DIPK2B: variants seen among roughly 807,000 people sequenced by gnomAD.
DIPK2B encodes divergent protein kinase domain 2B.
Under a neutral mutation model 22.2 loss-of-function variants are expected in DIPK2B, and 15 were observed. The ratio of observed to expected loss-of-function variants is 0.68; its 90% confidence interval spans 0.45 to 1.04. The LOEUF is 1.04. Ranked by LOEUF, DIPK2B falls within the 50% of genes least tolerant of loss-of-function variation. DIPK2B has a pLI of 0.00. For missense variants in DIPK2B, 345 were observed against 348.3 expected, an observed-to-expected ratio of 0.99 and a Z score of 0.08; for synonymous variants, 163 against 153.2, an observed-to-expected ratio of 1.06 and a Z score of -0.47.
At chrX:45,153,474 TTGTGTGTGTGTGTGTGTGTG>T (rs34281975) in intron 4 of DIPK2B, among the ~76,000 whole-genome samples, 2 of 73,862 alleles carry the variant, frequency 2.7e-5, no homozygotes, top group African/African-American at 5.2e-5. Flanking sequence ...CCCAAAAGTT[TTGTGTGTGTGTGTGTGTGTG>T]TGTGTGTGTG....
At position 45,192,018 on chromosome X, in the gene DIPK2B, G is replaced by A; in HGVS notation, c.234-3C>T. 8.3e-7 allele frequency: 1 copy of A among 1,204,515 alleles called. No homozygotes were observed. Among genetic ancestry groups the A allele is most frequent in the East Asian group, 3.0e-5 (1 of 33,693 alleles). ...GGGAAGCCAGCCAGTTGTCAGATCT[G>A]TTGGAAGAATAGCCCTTTGAGGATT... On this transcript the variant is annotated splice_polypyrimidine_tract_variant and splice_region_variant and intron_variant, in intron 1 of 4. Coordinates refer to ENST00000398000, the MANE Select transcript of DIPK2B (RefSeq NM_176819.4).
intron 3 of DIPK2B, among the ~76,000 whole-genome samples, chrX:45,157,020 T>A (rs1206025450): frequency 1.8e-5 from 2 of 109,044 alleles, no homozygotes; most frequent in African/African-American, 6.7e-5. Flanking sequence ...CTCACTCTAC[T>A]CCCCCTCCTT....
chrX:45,172,769 G>T (rs1202370214), intron 2 of DIPK2B, among the ~76,000 whole-genome samples: 1 of 111,985 alleles, frequency 8.9e-6, no homozygotes, highest in Non-Finnish European at 1.9e-5. Flanking sequence ...GTGTGCTAAA[G>T]CTTGTCATAA....
At chrX:45,192,739 T>C (rs1316739102) in intron 1 of DIPK2B, among the ~76,000 whole-genome samples, 2 of 111,998 alleles carry the variant, frequency 1.8e-5, no homozygotes, top group Admixed American at 1.9e-4. Context: ...CATGATGGCC[T>C]GGCCAGTCCT....
At chrX:45,198,712 AAT>A (rs1338652153) in intron 1 of DIPK2B, among the ~76,000 whole-genome samples, 2 of 111,263 alleles carry the variant, frequency 1.8e-5, no homozygotes, top group African/African-American at 3.3e-5. Context: ...CCTTTTAAAA[AAT>A]ATGTCTGCCT....
At chrX:45,181,599 G>A (rs776388097) in intron 2 of DIPK2B, among the ~76,000 whole-genome samples, 20 of 111,896 alleles carry the variant, frequency 1.8e-4, no homozygotes, top group Middle Eastern at 4.6e-3. Context: ...CTGAAATTCA[G>A]TGAGGAAAGA....
chrX:45,186,429 A>G (rs2047183830), intron 2 of DIPK2B, among the ~76,000 whole-genome samples: 1 of 111,618 alleles, frequency 9.0e-6, no homozygotes, highest in African/African-American at 3.3e-5. Flanking sequence ...ATATCCAGGG[A>G]ATATTGCCTT....
intron 2 of DIPK2B, among the ~76,000 whole-genome samples, chrX:45,187,506 A>T (rs1277781518): frequency 2.0e-5 from 2 of 101,743 alleles, no homozygotes; most frequent in East Asian, 6.6e-4. Flanking sequence ...ACACACACAC[A>T]CTGCATCGTT....
At chrX:45,163,749 C>T in intron 2 of DIPK2B, 1 of 759,185 alleles carries the variant, frequency 1.3e-6, no homozygotes. Flanking sequence ...AGGGCAAGAA[C>T]AGGTTTTCCT....
At chrX:45,163,366 G>A in intron 2 of DIPK2B, 1 of 742,302 alleles carries the variant, frequency 1.3e-6, no homozygotes, top group Non-Finnish European at 1.6e-6. Context: ...TTCTCTGGTA[G>A]AACCCTGCCT....
chrX:45,180,901 A>G (rs1320240891), intron 2 of DIPK2B, among the ~76,000 whole-genome samples: 1 of 112,243 alleles, frequency 8.9e-6, no homozygotes, highest in African/African-American at 3.2e-5. Flanking sequence ...AATAAAAGTT[A>G]TGTGAATGTG....
At chrX:45,155,985 T>TTTTTC (rs1319028953) in intron 3 of DIPK2B, among the ~76,000 whole-genome samples, 1 of 94,608 alleles carries the variant, frequency 1.1e-5, no homozygotes, top group African/African-American at 4.1e-5. Flanking sequence ...TTTTTTTTTT[T>TTTTTC]AGACAGAGTC....
At chrX:45,185,210 C>A (rs2047175709) in intron 2 of DIPK2B, among the ~76,000 whole-genome samples, 1 of 112,039 alleles carries the variant, frequency 8.9e-6, no homozygotes, top group Non-Finnish European at 1.9e-5. Flanking sequence ...TTGATTCCTT[C>A]ATAGCATGTG....
chrX:45,152,135 A>G (rs1286054342), intron 4 of DIPK2B, 143 bp from the exon 5 acceptor site: 1 of 536,229 alleles, frequency 1.9e-6, no homozygotes, highest in Non-Finnish European at 3.0e-6. Context: ...AGGCGGGCAG[A>G]TCACTTGAGG....
intron 3 of DIPK2B, among the ~76,000 whole-genome samples, chrX:45,155,075 G>A (rs1165373568): frequency 1.8e-5 from 2 of 112,545 alleles, no homozygotes; most frequent in Non-Finnish European, 3.7e-5. Flanking sequence ...ATCACTTGAG[G>A]ACAGCAGTTT....
chrX:45,164,152 C>A, intron 2 of DIPK2B: 1 of 1,163,010 alleles, frequency 8.6e-7, no homozygotes, highest in Non-Finnish European at 1.2e-6. Context: ...CTAACACTTT[C>A]TGGAAGTTCT....
chrX:45,189,471 G>A (rs983595446), intron 2 of DIPK2B, among the ~76,000 whole-genome samples: 5 of 111,268 alleles, frequency 4.5e-5, no homozygotes, highest in African/African-American at 1.3e-4. Context: ...AAAATTACCC[G>A]GGTGTGGTGG....
chrX:45,181,238 G>T (rs972259092), intron 2 of DIPK2B, among the ~76,000 whole-genome samples: 2 of 111,635 alleles, frequency 1.8e-5, no homozygotes, highest in Non-Finnish European at 3.8e-5. Flanking sequence ...AAGACCTAAG[G>T]AAATAAAGAC....
At chrX:45,169,145 A>T (rs1467348669) in intron 2 of DIPK2B, among the ~76,000 whole-genome samples, 2 of 111,562 alleles carry the variant, frequency 1.8e-5, no homozygotes, top group Non-Finnish European at 3.8e-5. Flanking sequence ...GACAACAGGC[A>T]TCCTGTGGGA....
Sources: allele counts gnomAD v4.1 joint callset (sites outside exome capture counted in the v4.1 genomes callset), GRCh38; gene constraint gnomAD v4.1.1; transcripts MANE v1.5; gene names NCBI Gene and HGNC (gene_info 2026-07-23, HGNC 2026-07-21).